RFWD3: variants seen among roughly 807,000 people sequenced by gnomAD.
RFWD3 encodes ring finger and WD repeat domain 3, also known as E3 ubiquitin-protein ligase RFWD3.
Under a neutral mutation model 87.7 loss-of-function variants are expected in RFWD3, and 65 were observed. The observed-to-expected ratio is 0.74, with a 90% CI of 0.61 to 0.91. The LOEUF (loss-of-function observed/expected upper bound fraction) is 0.91. Among genes scored for constraint, RFWD3 ranks in the 40% least tolerant of loss-of-function variants. The probability of loss-of-function intolerance (pLI) is 0.00; values close to 1 mark genes in which losing one functional copy is unlikely to be tolerated. For missense variants in RFWD3, 1,078 were observed against 938.5 expected, an observed-to-expected ratio of 1.15 and a Z score of -1.94; for synonymous variants, 433 against 352.8, an observed-to-expected ratio of 1.23 and a Z score of -2.55.
intron 3 of RFWD3, among the ~76,000 whole-genome samples, chr16:74,649,992 G>A (rs913270296): frequency 3.3e-5 from 5 of 152,260 alleles, no homozygotes; most frequent in Non-Finnish European, 2.9e-5. Flanking sequence ...AGCCCACAAA[G>A]ATCCTTTATG....
chr16:74,644,180 T>G (rs1746778884), intron 6 of RFWD3, 182 bp downstream of exon 6: 1 of 657,018 alleles, frequency 1.5e-6, no homozygotes, highest in Non-Finnish European at 2.7e-6. Context: ...CAGACTTCCT[T>G]AAGAAGATGA....
chr16:74,625,883 A>G (rs1264538648), intron 12 of RFWD3, among the ~76,000 whole-genome samples: 1 of 151,908 alleles, frequency 6.6e-6, no homozygotes, highest in South Asian at 2.1e-4. Flanking sequence ...CCTTAATCAG[A>G]CTCAGGTTCA....
intron 1 of RFWD3, among the ~76,000 whole-genome samples, chr16:74,662,862 G>A (rs966127931): frequency 6.6e-5 from 10 of 151,974 alleles, no homozygotes; most frequent in Non-Finnish European, 1.5e-4. Context: ...CAGTGGAGAT[G>A]AAAACAAACA....
chr16:74,646,826 A>G (rs1197999490), intron 4 of RFWD3, among the ~76,000 whole-genome samples: 1 of 152,180 alleles, frequency 6.6e-6, no homozygotes, highest in African/African-American at 2.4e-5. Flanking sequence ...TAATCCCAGC[A>G]CTTTGGGAGC....
chr16:74,655,262 CAG>C lies in RFWD3; in HGVS notation c.519-3142_519-3141del, dbSNP rs558155607. ...AAGCCGATGCTCTTTTTTTTTGAGA[CAG>C]AGTCTCACTTTGTCGCCCAGGTTAG... is the stretch of plus-strand genomic sequence containing the variant. On this transcript the variant is annotated intron_variant, in intron 2 of 12. Coordinates refer to ENST00000361070, the MANE Select transcript of RFWD3 (RefSeq NM_018124.4). 3.1e-3 allele frequency among the ~76,000 whole-genome samples: 463 copies of C among 151,316 alleles called. 4 individuals carry two copies. The highest frequency in any genetic ancestry group is 0.011 in the African/African-American group (453 of 41,218).
chr16:74,632,411 A>G, intron 9 of RFWD3, 112 bp downstream of exon 9: 1 of 1,294,452 alleles, frequency 7.7e-7, no homozygotes, highest in Non-Finnish European at 1.1e-6. Flanking sequence ...AAACAAAACA[A>G]AACAACAACA....
Position 74,651,932 on chromosome 16 carries a change from C to T in RFWD3, c.709G>A (p.Val237Ile), listed in dbSNP as rs1254118478. 1.9e-6 allele frequency: 3 copies of T among 1,613,858 alleles called. No individual in the cohort carries two copies. The highest frequency in any genetic ancestry group is 2.2e-5 in the East Asian group (1 of 44,870). Residue 237 changes from valine (V) to isoleucine (I), a missense_variant, in exon 3 of 13, where the codon GTC (valine) becomes ATC (isoleucine). Physicochemically the swap from Val to Ile is conservative, Grantham distance 29 (BLOSUM62 3). Transcript: ENST00000361070. ...GTAAAATACTGACCTTCTAAAATGA[C>T]AGCTCCAGATTCCTCTGCCTGGTCA... ...VVDQAEESGA[V>I]ILEEQLAGVS...
chr16:74,652,311 C>T (rs772079486), intron 2 of RFWD3, among the ~76,000 whole-genome samples, 189 bp from the exon 3 acceptor site: 7 of 151,746 alleles, frequency 4.6e-5, no homozygotes, highest in Admixed American at 1.3e-4. Context: ...TTTTTTACCA[C>T]TCAACCACTG....
chr16:74,645,663 A>G (rs573876885), intron 4 of RFWD3, among the ~76,000 whole-genome samples: 2 of 151,464 alleles, frequency 1.3e-5, no homozygotes, highest in East Asian at 3.9e-4. Flanking sequence ...TGGTATTATC[A>G]TCTAATGGGA....
intron 4 of RFWD3, among the ~76,000 whole-genome samples, chr16:74,647,280 A>T (rs1176614813): frequency 6.6e-6 from 1 of 152,042 alleles, no homozygotes; most frequent in African/African-American, 2.4e-5. Flanking sequence ...ACAATGATGT[A>T]TAGGTGTTAT....
intron 2 of RFWD3, among the ~76,000 whole-genome samples, chr16:74,656,203 C>G (rs1035630908): frequency 1.9e-4 from 28 of 147,760 alleles, no homozygotes; most frequent in Admixed American, 2.8e-4. Context: ...TAGGCTGAGG[C>G]AGGAGGATCG....
At chr16:74,635,136 T>C (rs9922988) in intron 8 of RFWD3, among the ~76,000 whole-genome samples, 89,082 of 151,510 alleles carry the variant, frequency 0.59, 27,400 homozygotes, top group African/African-American at 0.77. Context: ...AAAAATTAGC[T>C]GGGTGTGGTG....
chr16:74,660,594 C>A, intron 2 of RFWD3: 1 of 219,148 alleles, frequency 4.6e-6, no homozygotes, highest in Non-Finnish European at 9.0e-6. Flanking sequence ...ATTAATTGTG[C>A]CCCCAGGTGG....
At chr16:74,628,285 G>C (rs1258977202) in intron 11 of RFWD3, among the ~76,000 whole-genome samples, 167 bp downstream of exon 11, 2 of 152,130 alleles carry the variant, frequency 1.3e-5, no homozygotes, top group Admixed American at 6.6e-5. Context: ...CAGGCTCTGT[G>C]GGGGAGCTTG....
Position 74,652,064 on chromosome 16 carries a change from C to T in RFWD3, c.577G>A (p.Ala193Thr). 1 of 1,614,162 alleles carries T rather than the reference C, an allele frequency of 6.2e-7. No individual in the cohort carries two copies. Among genetic ancestry groups the T allele is most frequent in the Non-Finnish European group, 8.5e-7 (1 of 1,180,032 alleles). The change falls in exon 3 of 13, where the codon GCT becomes ACT. Residue 193 changes from alanine (A) to threonine (T), a missense_variant. Transcript: ENST00000361070. ...CTAGTCTCTGAATCATAAGTGGTAG[C>T]TGGCAAGTCAGGCTGGGTCCTGCTC... ...QVSRTQPDLP[A>T]TTYDSETRNP...
At chr16:74,644,200 A>C (rs1959917999) in intron 6 of RFWD3, 162 bp downstream of exon 6, 1 of 703,576 alleles carries the variant, frequency 1.4e-6, no homozygotes, top group Non-Finnish European at 2.5e-6. Context: ...ATCAGACATG[A>C]ATTATAAATA....
chr16:74,644,691 C>T lies in RFWD3; in HGVS notation c.837G>A (p.Met279Ile). ...KSEPLLPSAS[M>I]DEEEGDTCTI... The stretch of plus-strand genomic sequence containing the variant: ...TACAAGTGTCCCCTTCTTCCTCATC[C>T]ATAGAAGCAGAAGGTAGCAGAGGCT... Residue 279 changes from methionine to isoleucine, a missense_variant, in exon 5 of 13, where the codon ATG (methionine) becomes ATA (isoleucine). Transcript: ENST00000361070. 1 of 1,614,200 alleles carries T rather than the reference C, an allele frequency of 6.2e-7. No individual in the cohort carries two copies. Among genetic ancestry groups the T allele is most frequent in the Non-Finnish European group, 8.5e-7 (1 of 1,180,034 alleles).
Position 74,628,353 on chromosome 16 carries a change from C to A in RFWD3, c.1969+99G>T. The A allele has an allele frequency of 4.6e-6, 5 of 1,094,642 alleles. No individual in the cohort carries two copies. In the South Asian group the frequency reaches 5.6e-5, roughly 12 times the overall value. The allele number at this position is 1,094,642 out of a possible 1,614,324, so 67.8% of individuals were successfully genotyped here. On this transcript the variant is annotated intron_variant, in intron 11 of 12. Transcript: ENST00000361070. ...ACAACACACCTCGTTAGCCTGTGAG[C>A]GGTACCACAGCCACCCAAAGGGTAG...
intron 7 of RFWD3, among the ~76,000 whole-genome samples, chr16:74,636,805 C>A (rs1053765186): frequency 2.6e-5 from 4 of 151,686 alleles, no homozygotes; most frequent in African/African-American, 9.7e-5. Flanking sequence ...CCTCCATCTC[C>A]TGGGTTCAAG....
Sources: gnomAD v4.1 joint callset for allele counts (sites outside exome capture counted in the v4.1 genomes callset) on GRCh38, gnomAD v4.1.1 for gene constraint, MANE v1.5 for transcripts, NCBI Gene and HGNC (gene_info 2026-07-23, HGNC 2026-07-21) for gene names.